OSBPL1A: variants seen among roughly 807,000 people sequenced by gnomAD.
OSBPL1A encodes oxysterol-binding protein-related protein 1.
Under a neutral mutation model 137.1 loss-of-function variants are expected in OSBPL1A, and 80 were observed. That is an observed-to-expected ratio of 0.58 (90% CI 0.49 to 0.70). The LOEUF is 0.70. Among genes scored for constraint, OSBPL1A ranks in the 30% least tolerant of loss-of-function variants. The pLI, the probability that OSBPL1A is intolerant of heterozygous loss-of-function variation, is 0.00. For missense variants in OSBPL1A, 970 were observed against 1,129.4 expected, an observed-to-expected ratio of 0.86 and a Z score of 2.02; for synonymous variants, 365 against 389.7, an observed-to-expected ratio of 0.94 and a Z score of 0.75.
At chr18:24,389,017 A>T (rs1384564655) in intron 1 of OSBPL1A, among the ~76,000 whole-genome samples, 6 of 152,130 alleles carry the variant, frequency 3.9e-5, no homozygotes, top group African/African-American at 1.4e-4. Context: ...TGTTGAACAG[A>T]TTTTTTAAAA....
At position 24,178,015 on chromosome 18, in the gene OSBPL1A, A is replaced by G; in HGVS notation, c.2091T>C (p.Leu697=). 6.2e-7 allele frequency: 1 copy of G among 1,613,124 alleles called. No individual in the cohort carries two copies. The highest frequency in any genetic ancestry group is 1.3e-5 in the African/African-American group (1 of 74,988). ...EPKGTITLEL[L]EHNEAYTWTN... is the part of the protein sequence containing the mutation. ...GTAATGGCTTGATCAGAACTCACTC[A>G]AGGAGCTCCAAGGTGATGGTTCCTT... Residue 697 remains leucine (L), a splice_region_variant and synonymous_variant, in exon 21 of 28, where the codon CTT becomes CTC. Transcript: ENST00000319481.
chr18:24,351,586 C>G (rs920259126), intron 4 of OSBPL1A, among the ~76,000 whole-genome samples: 22 of 152,118 alleles, frequency 1.4e-4, no homozygotes, highest in African/African-American at 5.3e-4. Flanking sequence ...GTCACCTAGG[C>G]TGGAGTGCAA....
chr18:24,229,052 T>C (rs937170172), intron 16 of OSBPL1A, among the ~76,000 whole-genome samples: 4 of 151,956 alleles, frequency 2.6e-5, no homozygotes, highest in African/African-American at 9.7e-5. Flanking sequence ...AATACAAAAA[T>C]TAGCCCGGCA....
chr18:24,313,387 G>A (rs997323802), intron 12 of OSBPL1A, among the ~76,000 whole-genome samples: 2 of 149,852 alleles, frequency 1.3e-5, no homozygotes. Context: ...GTTGCAATGA[G>A]CCTAGATCCC....
At chr18:24,216,450 T>C (rs1236700740) in intron 17 of OSBPL1A, among the ~76,000 whole-genome samples, 3 of 152,132 alleles carry the variant, frequency 2.0e-5, no homozygotes, top group African/African-American at 7.2e-5. Context: ...GGGGTTGCAG[T>C]GAGCCGAGAT....
At chr18:24,220,973 G>C (rs954437701) in intron 17 of OSBPL1A, among the ~76,000 whole-genome samples, 1 of 152,002 alleles carries the variant, frequency 6.6e-6, no homozygotes, top group Non-Finnish European at 1.5e-5. Context: ...TAGAAACGGG[G>C]TTTCGCCACA....
At chr18:24,317,575 A>G (rs189516018) in intron 9 of OSBPL1A, among the ~76,000 whole-genome samples, 175 bp from the exon 10 acceptor site, 25 of 152,312 alleles carry the variant, frequency 1.6e-4, no homozygotes, top group African/African-American at 5.1e-4. Context: ...ATGAAAACAT[A>G]CCACTACAGG....
chr18:24,276,526 G>A (rs918659690), intron 15 of OSBPL1A, among the ~76,000 whole-genome samples: 8 of 151,950 alleles, frequency 5.3e-5, no homozygotes, highest in South Asian at 4.1e-4. Context: ...TGCAACCTCC[G>A]CCTCCTGGGT....
chr18:24,388,454 A>G (rs1347770863), intron 1 of OSBPL1A, among the ~76,000 whole-genome samples: 2 of 150,392 alleles, frequency 1.3e-5, no homozygotes, highest in African/African-American at 4.9e-5. Context: ...CTAGTGACAT[A>G]AAATTAACAG....
intron 7 of OSBPL1A, among the ~76,000 whole-genome samples, chr18:24,327,814 T>C (rs1568030406): frequency 6.6e-6 from 1 of 152,120 alleles, no homozygotes; most frequent in Non-Finnish European, 1.5e-5. Flanking sequence ...TAGTATAAAC[T>C]ATAGAGTAAA....
intron 4 of OSBPL1A, among the ~76,000 whole-genome samples, chr18:24,356,006 G>T (rs80050976): frequency 7.4e-6 from 1 of 134,770 alleles, no homozygotes; most frequent in African/African-American, 3.0e-5. Context: ...AAAAAGAAAA[G>T]AAAAAAAAAG....
chr18:24,269,041 A>G (rs191408214), intron 15 of OSBPL1A, among the ~76,000 whole-genome samples: 1 of 152,292 alleles, frequency 6.6e-6, no homozygotes, highest in East Asian at 1.9e-4. Flanking sequence ...TCCCTGGAGT[A>G]CCAGCTCCTA....
intron 5 of OSBPL1A, among the ~76,000 whole-genome samples, chr18:24,338,159 G>A: frequency 6.7e-6 from 1 of 150,222 alleles, no homozygotes; most frequent in East Asian, 2.0e-4. Context: ...TGCAACCTCT[G>A]CCTCTCGGGT....
intron 21 of OSBPL1A, among the ~76,000 whole-genome samples, chr18:24,175,114 A>ATATATATG (rs1421497111): frequency 0.032 from 974 of 30,286 alleles, 58 homozygotes; most frequent in African/African-American, 0.058. Flanking sequence ...GTATGTATAT[A>ATATATATG]TATATATATA....
intron 26 of OSBPL1A, among the ~76,000 whole-genome samples, chr18:24,165,757 T>G (rs1213784539): frequency 6.6e-6 from 1 of 152,066 alleles, no homozygotes; most frequent in African/African-American, 2.4e-5. Context: ...GGGGGAAAAA[T>G]GCCCCCCTTT....
At chr18:24,322,367 C>A (rs112021519) in intron 7 of OSBPL1A, among the ~76,000 whole-genome samples, 41,153 of 151,130 alleles carry the variant, frequency 0.27, 6,349 homozygotes, top group Non-Finnish European at 0.34. Flanking sequence ...GTGATCTGCC[C>A]GCCTGGGCCT....
chr18:24,262,673 A>C (rs1420399324), intron 15 of OSBPL1A, among the ~76,000 whole-genome samples: 1 of 151,240 alleles, frequency 6.6e-6, no homozygotes, highest in African/African-American at 2.5e-5. Flanking sequence ...TGTAACTAGC[A>C]CCACCATCAA....
chr18:24,196,058 T>C (rs987090639), intron 18 of OSBPL1A, 67 bp downstream of exon 18: 40 of 1,276,970 alleles, frequency 3.1e-5, no homozygotes, highest in Non-Finnish European at 4.4e-5. Context: ...AACTTTTAGG[T>C]TCCTTTCTAA....
chr18:24,210,344 G>A (rs1013849128), intron 17 of OSBPL1A, among the ~76,000 whole-genome samples: 1 of 152,058 alleles, frequency 6.6e-6, no homozygotes, highest in Non-Finnish European at 1.5e-5. Context: ...AGAATCACTT[G>A]AATCTGGGAG....
Sources: gnomAD v4.1 joint callset for allele counts (sites outside exome capture counted in the v4.1 genomes callset) on GRCh38, gnomAD v4.1.1 for gene constraint, MANE v1.5 for transcripts, NCBI Gene and HGNC (gene_info 2026-07-23, HGNC 2026-07-21) for gene names.